CFP: variants seen among roughly 807,000 people sequenced by gnomAD.
The protein encoded by CFP is properdin.
A neutral mutation model predicts 42.1 loss-of-function variants in CFP; 14 were observed. The observed-to-expected ratio is 0.33, with a 90% CI of 0.22 to 0.52. The LOEUF is 0.52. CFP is among the 20% of genes least tolerant of loss of function. The pLI, the probability that CFP is intolerant of heterozygous loss-of-function variation, is 0.96. For missense variants in CFP, 318 were observed against 400.4 expected (o/e 0.79, Z 1.76); for synonymous variants, 149 against 160.6 (o/e 0.93, Z 0.54).
rs185246758 is a variant in CFP, at chrX:47,627,242, C to T, written c.665G>A (p.Arg222His). 85 of 1,209,944 alleles carry T rather than the reference C, an allele frequency of 7.0e-5. No individual in the cohort carries two copies. The highest frequency in any genetic ancestry group is 5.9e-4 in the Admixed American group (27 of 45,946). ...GPHEPKETRSRKCSAPEPSQK... is the reference protein window; with the variant it reads ...GPHEPKETRSHKCSAPEPSQK... ...GGAGGGCTCAGGTGCAGAACACTTG[C>T]GGCTTCGTGTCTCCTTAGGTTCGTG... Residue 222 changes from arginine (R) to histidine (H), a missense_variant, in exon 5 of 9, where the codon CGC becomes CAC. Coordinates refer to ENST00000396992, the MANE Select transcript of CFP (RefSeq NM_001145252.3).
chrX:47,630,165 C>T (rs1445945427), upstream of CFP: 4 of 328,476 alleles, frequency 1.2e-5, no homozygotes, highest in African/African-American at 7.9e-5. Flanking sequence ...GCAGCAACTT[C>T]CTAGCCGTGT....
At chrX:47,624,560 CT>C (rs371118050) in intron 8 of CFP, 120 bp from the exon 9 acceptor site, 10,626 of 290,633 alleles carry the variant, frequency 0.037, no homozygotes, top group East Asian at 0.05. Context: ...TTTTTTTTTC[CT>C]TTTTTTTTTT....
chrX:47,628,607 A>C (rs2057978855), intron 2 of CFP: 1 of 414,878 alleles, frequency 2.4e-6, no homozygotes, highest in South Asian at 2.6e-5. Flanking sequence ...ACTACACGGT[A>C]GTAGGTAAAT....
intron 4 of CFP, 42 bp downstream of exon 4, chrX:47,627,429 G>C (rs745319542): frequency 1.7e-6 from 2 of 1,208,197 alleles, no homozygotes; most frequent in African/African-American, 1.7e-5. Flanking sequence ...GCAGACCCAC[G>C]CTGGGTGCAC....
Position 47,624,009 on chromosome X carries a change from G to T in CFP, c.*266C>A, listed in dbSNP as rs1395814689. The stretch of plus-strand genomic sequence containing the variant: ...GGCTGCGCAGGGCCCAGACATTGGG[G>T]TTATGGCAGCGGCGGGGAGAGGCTG... On this transcript the variant is annotated 3_prime_UTR_variant, in exon 9 of 9. Transcript: ENST00000396992. 1.3e-5 allele frequency: 5 copies of T among 381,704 alleles called. No homozygotes were observed. The allele number at this position is 381,704 out of a possible 1,213,427, so 31.5% of individuals were successfully genotyped here. A position where few individuals can be genotyped will look rare whatever the true frequency, so the allele number is the denominator to read the frequency against.
Position 47,627,557 on chromosome X carries a change from C to A in CFP, c.488G>T (p.Cys163Phe). The change falls in exon 4 of 9, where the codon TGT becomes TTT. Residue 163 changes from cysteine (C) to phenylalanine (F), a missense_variant. By Grantham distance (205) the Cys-to-Phe change is radical. Transcript: ENST00000396992. The stretch of plus-strand genomic sequence containing the variant: ...CCCACACTTGGGAGCAGGGTGATTA[C>A]AGGCTCGCCTGCGGGTCCGGGTCCC... ...SKGTRTRRRA[C>F]NHPAPKCGGH... The A allele has an allele frequency of 2.5e-6, 3 of 1,208,254 alleles. No individual in the cohort carries two copies. Among genetic ancestry groups the A allele is most frequent in the Non-Finnish European group, 3.4e-6 (3 of 893,746 alleles).
chrX:47,629,437 C>A, intron 2 of CFP, 87 bp downstream of exon 2: 1 of 778,424 alleles, frequency 1.3e-6, no homozygotes. Flanking sequence ...CCTTGGAAGT[C>A]CCAGAGAAAG....
rs1262214922 is a variant in CFP, at chrX:47,627,453, G to T, written c.574+18C>A. On this transcript the variant is annotated intron_variant, in intron 4 of 8. Coordinates refer to ENST00000396992, the MANE Select transcript of CFP (RefSeq NM_001145252.3). ...CGCTGGGTGCACCCATCAGCATCCTGTGGCTTCCCTCACTCACTGGGGCAG... is the reference window on the plus strand; with the variant it reads ...CGCTGGGTGCACCCATCAGCATCCTTTGGCTTCCCTCACTCACTGGGGCAG... 1.7e-6 allele frequency: 2 copies of T among 1,211,453 alleles called. No homozygotes were observed. Among genetic ancestry groups the T allele is most frequent in the Non-Finnish European group, 2.2e-6 (2 of 895,065 alleles).
At chrX:47,629,492 C>T in intron 2 of CFP, 32 bp downstream of exon 2, 2 of 626,907 alleles carry the variant, frequency 3.2e-6, no homozygotes, top group Non-Finnish European at 5.1e-6. Context: ...TCCTTCCCTC[C>T]CCCCCATCCC....
chrX:47,626,384 C>G lies in CFP; in HGVS notation c.1076G>C (p.Arg359Pro). Reference protein sequence around the residue: ...TCRGRKFDGHRCAGQQQDIRH... With the variant: ...TCRGRKFDGHPCAGQQQDIRH... Reference sequence around the variant, plus strand: ...GATATCCTGCTGTTGCCCGGCACATCGATGTCCGTCAAACTTGCGGCCCCT... The same window carrying G: ...GATATCCTGCTGTTGCCCGGCACATGGATGTCCGTCAAACTTGCGGCCCCT... The change falls in exon 7 of 9, where the codon CGA becomes CCA. Residue 359 changes from arginine (R) to proline (P), a missense_variant. Arg to Pro is a moderately radical substitution (Grantham distance 103). Coordinates refer to ENST00000396992, the MANE Select transcript of CFP (RefSeq NM_001145252.3). The G allele has an allele frequency of 8.3e-7, 1 of 1,211,379 alleles. No homozygotes were observed. The highest frequency in any genetic ancestry group is 1.1e-6 in the Non-Finnish European group (1 of 895,349).
rs777682849 is a variant in CFP at position 47,623,948 on chromosome X, A to G, written c.*327T>C. On this transcript the variant is annotated 3_prime_UTR_variant, in exon 9 of 9. Transcript: ENST00000396992. ...GGAAACCCGTAACGCGGAGCTCTGC[A>G]GAGGAACGTGCCGGGCGGCCCTGAG... 2 of 279,194 alleles carry G rather than the reference A, an allele frequency of 7.2e-6. No individual in the cohort carries two copies. The highest frequency in any genetic ancestry group is 5.0e-5 in the South Asian group (1 of 19,970). The allele number at this position is 279,194 out of a possible 1,213,427, so 23.0% of individuals were successfully genotyped here.
rs773292236 is a variant in CFP at position 47,629,716 on chromosome X, G to A, written c.77-42C>T. The A allele has an allele frequency of 6.9e-6, 8 of 1,165,180 alleles. No homozygotes were observed. In the Admixed American group the frequency reaches 1.0e-4, roughly 15 times the overall value. Reference sequence around the variant, plus strand: ...GGATGGGTGGGTGGGGCTCGGTCAGGGATGTGGTGGGCCTGGACACCCCTG... The same window carrying A: ...GGATGGGTGGGTGGGGCTCGGTCAGAGATGTGGTGGGCCTGGACACCCCTG... On this transcript the variant is annotated intron_variant, in intron 1 of 8. Coordinates refer to ENST00000396992, the MANE Select transcript of CFP (RefSeq NM_001145252.3).
Position 47,626,122 on chromosome X carries a change from G to A in CFP, c.1180C>T (p.Pro394Ser), listed in dbSNP as rs756946812. Residue 394 changes from proline to serine, a missense_variant, in exon 8 of 9, where the codon CCC becomes TCC. Transcript: ENST00000396992. Reference sequence around the variant, plus strand: ...GCACGGGTAGGATTAGGTCCACAGGGGGGCATGCACAGCCCCCAGGTACTC... The same window carrying A: ...GCACGGGTAGGATTAGGTCCACAGGAGGGCATGCACAGCCCCCAGGTACTC... ...EWSTWGLCMP[P>S]CGPNPTRARQ... 1.7e-4 allele frequency: 205 copies of A among 1,177,481 alleles called. No homozygotes were observed. Among genetic ancestry groups the A allele is most frequent in the Non-Finnish European group, 2.2e-4 (193 of 878,177 alleles).
chrX:47,627,366 G>A (rs2057973614), intron 4 of CFP, 34 bp from the exon 5 acceptor site: 1 of 1,182,715 alleles, frequency 8.5e-7, no homozygotes, highest in African/African-American at 1.7e-5. Context: ...GGATGCAGGT[G>A]TGGTCATGCA....
intron 8 of CFP, 187 bp downstream of exon 8, chrX:47,625,871 G>T (rs1603082674): frequency 2.1e-6 from 1 of 484,599 alleles, no homozygotes; most frequent in East Asian, 3.7e-5. Context: ...CAGAGGCTAC[G>T]AATTATCCTC....
Position 47,628,253 on chromosome X carries a change from G to A in CFP, c.252C>T (p.Ser84=), listed in dbSNP as rs768797857. ...ACGTCACCGAACAGGGGGCCCATGT[G>A]GACCACAGGGACCATCGTGGGGACC... ...PCRSPRWSLW[S]TWAPCSVTCS... The change falls in exon 3 of 9, where the codon TCC becomes TCT. Residue 84 remains serine, a synonymous_variant. Coordinates refer to ENST00000396992, the MANE Select transcript of CFP (RefSeq NM_001145252.3). The A allele has an allele frequency of 5.8e-6, 7 of 1,209,290 alleles. No homozygotes were observed. Among genetic ancestry groups the A allele is most frequent in the Non-Finnish European group, 6.7e-6 (6 of 894,240 alleles).
chrX:47,629,465 G>A, intron 2 of CFP, 59 bp downstream of exon 2: 1 of 1,007,442 alleles, frequency 9.9e-7, no homozygotes, highest in Non-Finnish European at 1.4e-6. Context: ...CCAGTTTTGG[G>A]TGACCCCCAC....
intron 8 of CFP, 99 bp from the exon 9 acceptor site, chrX:47,624,539 C>CTTTTTT: frequency 1.6e-5 from 5 of 307,664 alleles, no homozygotes; most frequent in Admixed American, 7.3e-5. Context: ...CCGAGGGCTA[C>CTTTTTT]TTTTTTTTTT....
At chrX:47,624,540 TTTTTTTTTTTTTTTTTTTCC>T (rs1474258731) in intron 8 of CFP, 100 bp from the exon 9 acceptor site, 11 of 149,221 alleles carry the variant, frequency 7.4e-5, no homozygotes, top group Admixed American at 3.9e-4. Context: ...CGAGGGCTAC[TTTTTTTTTTTTTTTTTTTCC>T]TTTTTTTTTT....
Sources: allele counts gnomAD v4.1 joint callset, GRCh38; gene constraint gnomAD v4.1.1; transcripts MANE v1.5; gene names NCBI Gene and HGNC (gene_info 2026-07-23, HGNC 2026-07-21).